The following DAB2IP variants were observed in gnomAD, a reference collection of about 807,000 sequenced individuals.
DAB2IP encodes the protein disabled homolog 2-interacting protein.
A neutral mutation model predicts 107.2 loss-of-function variants in DAB2IP; 28 were observed. The observed-to-expected ratio is 0.26, with a 90% CI of 0.19 to 0.36. DAB2IP has a LOEUF of 0.36. DAB2IP is among the 10% of genes least tolerant of loss of function. The pLI, the probability that DAB2IP is intolerant of heterozygous loss-of-function variation, is 1.00. For synonymous variants in DAB2IP, 755 were observed against 706.4 expected, an observed-to-expected ratio of 1.07 and a Z score of -1.09; for missense variants, 1,400 against 1,644.7, an observed-to-expected ratio of 0.85 and a Z score of 2.57.
At chr9:121,636,152 C>T (rs1460096193) in intron 1 of DAB2IP, among the ~76,000 whole-genome samples, 1 of 152,116 alleles carries the variant, frequency 6.6e-6, no homozygotes, top group Non-Finnish European at 1.5e-5. Flanking sequence ...AGGCAAACCA[C>T]CTGCCTCGGC....
At chr9:121,757,493 G>GTTTCTGGGA (rs1564204927) in intron 4 of DAB2IP, among the ~76,000 whole-genome samples, 2 of 152,158 alleles carry the variant, frequency 1.3e-5, no homozygotes, top group Admixed American at 6.5e-5. Flanking sequence ...CCATGTCTTA[G>GTTTCTGGGA]AGCCTGCTCA....
intron 10 of DAB2IP, among the ~76,000 whole-genome samples, chr9:121,769,316 A>G (rs1404043521): frequency 6.6e-6 from 1 of 152,224 alleles, no homozygotes; most frequent in African/African-American, 2.4e-5. Context: ...CGCTCAGAGC[A>G]CTGGTATGCA....
intron 2 of DAB2IP, among the ~76,000 whole-genome samples, chr9:121,685,142 C>T (rs1053131752): frequency 2.0e-5 from 3 of 152,210 alleles, no homozygotes; most frequent in African/African-American, 4.8e-5. Flanking sequence ...CCCCCTCCGC[C>T]CCCTCCACCC....
intron 13 of DAB2IP, among the ~76,000 whole-genome samples, chr9:121,775,906 G>T (rs1329732769): frequency 6.6e-6 from 1 of 152,184 alleles, no homozygotes; most frequent in Non-Finnish European, 1.5e-5. Flanking sequence ...CAAAGCCCTA[G>T]TTACACCCTC....
intron 1 of DAB2IP, among the ~76,000 whole-genome samples, chr9:121,639,553 C>A (rs1218406330): frequency 6.6e-6 from 1 of 152,048 alleles, no homozygotes; most frequent in Non-Finnish European, 1.5e-5. Flanking sequence ...ACCTGCTGGG[C>A]CCCAGAATCC....
chr9:121,607,868 T>C (rs970254934), intron 1 of DAB2IP, among the ~76,000 whole-genome samples: 1 of 152,248 alleles, frequency 6.6e-6, no homozygotes, highest in East Asian at 1.9e-4. Context: ...GGCTGTAGAA[T>C]GTGTGACAAC....
At chr9:121,603,105 T>A (rs1830743773) in intron 1 of DAB2IP, among the ~76,000 whole-genome samples, 1 of 152,202 alleles carries the variant, frequency 6.6e-6, no homozygotes, top group Non-Finnish European at 1.5e-5. Context: ...CCTCCTACTG[T>A]GGCCTCTGGC....
chr9:121,715,159 G>A (rs139121334), intron 3 of DAB2IP, among the ~76,000 whole-genome samples: 6 of 152,238 alleles, frequency 3.9e-5, no homozygotes, highest in African/African-American at 7.2e-5. Flanking sequence ...TTTAGCTAGG[G>A]TTAAGGACCT....
At chr9:121,715,378 T>G (rs1830546293) in intron 3 of DAB2IP, among the ~76,000 whole-genome samples, 2 of 151,340 alleles carry the variant, frequency 1.3e-5, no homozygotes, top group Non-Finnish European at 3.0e-5. Flanking sequence ...GACAGAGTCT[T>G]TCTCGGTAGC....
intron 3 of DAB2IP, among the ~76,000 whole-genome samples, chr9:121,712,663 T>C (rs993086080): frequency 3.3e-5 from 5 of 152,198 alleles, no homozygotes; most frequent in Admixed American, 1.3e-4. Flanking sequence ...GTGGTTGACA[T>C]TGGGGAAAGT....
chr9:121,588,044 C>A (rs1301035428), intron 1 of DAB2IP, among the ~76,000 whole-genome samples: 1 of 152,196 alleles, frequency 6.6e-6, no homozygotes, highest in Non-Finnish European at 1.5e-5. Context: ...AAACTCCTAT[C>A]CATGCGTTGA....
intron 12 of DAB2IP, among the ~76,000 whole-genome samples, chr9:121,774,025 C>A (rs1210697361): frequency 6.6e-6 from 1 of 152,208 alleles, no homozygotes; most frequent in Non-Finnish European, 1.5e-5. Context: ...GTCCTCTTGG[C>A]AGCAGAGTGT....
chr9:121,617,421 C>T (rs906997901), intron 1 of DAB2IP, among the ~76,000 whole-genome samples: 2 of 152,200 alleles, frequency 1.3e-5, no homozygotes, highest in African/African-American at 4.8e-5. Context: ...TGAGTGAATA[C>T]TCTGGATATG....
chr9:121,610,279 AC>A (rs1831045232), intron 1 of DAB2IP, among the ~76,000 whole-genome samples: 1 of 152,044 alleles, frequency 6.6e-6, no homozygotes. Flanking sequence ...TGGCTGTGTG[AC>A]CCTGAGTACG....
intron 1 of DAB2IP, among the ~76,000 whole-genome samples, chr9:121,660,591 G>T (rs575181940): frequency 6.6e-6 from 1 of 152,116 alleles, no homozygotes; most frequent in East Asian, 1.9e-4. Flanking sequence ...AGAGGATGCC[G>T]CCATCTGAGG....
chr9:121,679,413 T>TACACACACAC (rs3138857), intron 2 of DAB2IP, among the ~76,000 whole-genome samples: 5,262 of 135,516 alleles, frequency 0.039, 201 homozygotes, highest in Admixed American at 0.11. Flanking sequence ...TTTGTGCATG[T>TACACACACAC]ACACACACAC....
chr9:121,772,962 A>G lies in DAB2IP; in HGVS notation c.2434A>G (p.Thr812Ala), dbSNP rs765684677. The change falls in exon 12 of 16, where the codon ACC (threonine) becomes GCC (alanine). Residue 812 changes from threonine to alanine, a missense_variant. By Grantham distance (58) the Thr-to-Ala change is moderately conservative. Transcript: ENST00000408936. This position sits in a 1 kb window ranked among gnomAD's most constrained non-coding sequence, Gnocchi z 4.7. ...AGGCCAGACACCAACCACACCAGGC[A>G]CCTCCGAGGGCGCGCCAGGCCGGCC... The G allele has an allele frequency of 6.3e-7, 1 of 1,585,304 alleles. No individual in the cohort carries two copies. The highest frequency in any genetic ancestry group is 8.6e-7 in the Non-Finnish European group (1 of 1,167,718).
chr9:121,746,510 C>T (rs1401447627), intron 3 of DAB2IP, among the ~76,000 whole-genome samples: 1 of 152,186 alleles, frequency 6.6e-6, no homozygotes, highest in Non-Finnish European at 1.5e-5. Context: ...GGCAGGAAAC[C>T]TGGCCCTCAA....
Position 121,772,785 on chromosome 9 carries a change from G to A in DAB2IP, c.2257G>A (p.Asp753Asn), listed in dbSNP as rs775528650. 11 of 1,613,312 alleles carry A rather than the reference G, an allele frequency of 6.8e-6. No individual in the cohort carries two copies. The South Asian group carries it at 1.2e-4, about 18-fold the overall frequency. ...GAGCCTCTCCATGGTGGACCTCCAG[G>A]ACGCCCGCACGCTGGATGGGGAGGC... The change falls in exon 12 of 16, where the codon GAC becomes AAC. Residue 753 changes from aspartate (D) to asparagine (N), a missense_variant. Physicochemically the swap from Asp to Asn is conservative, Grantham distance 23 (BLOSUM62 1). Coordinates refer to ENST00000408936, the Ensembl canonical transcript of DAB2IP. The surrounding 1 kb of genome is among the most constrained non-coding windows in gnomAD (Gnocchi z 4.7).
Sources: allele counts gnomAD v4.1 joint callset (sites outside exome capture counted in the v4.1 genomes callset), GRCh38; gene constraint gnomAD v4.1.1; non-coding constraint Gnocchi (gnomAD v3.1); transcripts MANE v1.5; gene names NCBI Gene and HGNC (gene_info 2026-07-23, HGNC 2026-07-21).